Variants in AGMO observed in about 807,000 individuals in gnomAD.
AGMO encodes glyceryl-ether monooxygenase.
Under a neutral mutation model 60.2 loss-of-function variants are expected in AGMO, and 75 were observed. The ratio of observed to expected loss-of-function variants is 1.25; its 90% CI spans 1.03 to 1.51. AGMO has a LOEUF of 1.51. Among genes scored for constraint, AGMO ranks in the 40% most tolerant of loss-of-function variants. AGMO has a pLI of 0.00. For missense variants in AGMO, 763 were observed against 525.5 expected, an observed-to-expected ratio of 1.45 and a Z score of -4.42; for synonymous variants, 261 against 177.1, an observed-to-expected ratio of 1.47 and a Z score of -3.76.
intron 12 of AGMO, among the ~76,000 whole-genome samples, chr7:15,357,823 A>C (rs745377177): frequency 3.9e-5 from 6 of 152,188 alleles, no homozygotes; most frequent in East Asian, 1.9e-4. Context: ...AGCAGAGAAA[A>C]CACCACAGAA....
intron 3 of AGMO, among the ~76,000 whole-genome samples, chr7:15,536,508 A>C (rs1177866208): frequency 6.6e-6 from 1 of 151,906 alleles, no homozygotes; most frequent in Admixed American, 6.6e-5. Context: ...ATGAGAGGAC[A>C]GTTTATTTAT....
intron 12 of AGMO, among the ~76,000 whole-genome samples, chr7:15,256,723 C>T (rs1236053645): frequency 6.6e-6 from 1 of 152,118 alleles, no homozygotes; most frequent in Non-Finnish European, 1.5e-5. Flanking sequence ...GTGTTCTCTA[C>T]CTGTAGAGAC....
chr7:15,263,257 C>T (rs1260982736), intron 12 of AGMO, among the ~76,000 whole-genome samples: 1 of 151,524 alleles, frequency 6.6e-6, no homozygotes, highest in East Asian at 1.9e-4. Flanking sequence ...CATCAAAAAC[C>T]AGGCTAAGGA....
chr7:15,286,125 T>C (rs79108482), intron 12 of AGMO, among the ~76,000 whole-genome samples: 4 of 151,890 alleles, frequency 2.6e-5, no homozygotes, highest in Non-Finnish European at 4.4e-5. Flanking sequence ...AAACATTGTA[T>C]AAAATAGCCT....
Position 15,332,243 on chromosome 7 carries a change from T to C in AGMO, c.1263+33271A>G, listed in dbSNP as rs115906837. Among the ~76,000 whole-genome samples, 1,281 of 152,292 alleles carry C rather than the reference T, an allele frequency of 8.4e-3. 21 individuals are homozygous for C. Among genetic ancestry groups the C allele is most frequent in the African/African-American group, 0.029 (1,214 of 41,564 alleles). On this transcript the variant is annotated intron_variant, in intron 12 of 12. Transcript: ENST00000342526. ...GGTGTTGACTAATACATACCTGCAC[T>C]TGACACTGAAACCTTTCTCCCTATC...
intron 2 of AGMO, among the ~76,000 whole-genome samples, chr7:15,547,729 A>C (rs2115288684): frequency 6.6e-6 from 1 of 152,002 alleles, no homozygotes; most frequent in African/African-American, 2.4e-5. Context: ...GGCGGCAGCG[A>C]GGCTGGGGGA....
At chr7:15,370,473 T>G (rs1783164212) in intron 10 of AGMO, among the ~76,000 whole-genome samples, 1 of 152,214 alleles carries the variant, frequency 6.6e-6, no homozygotes, top group Non-Finnish European at 1.5e-5. Context: ...TCCAAACTGC[T>G]TTCCACAGTG....
chr7:15,481,894 T>C (rs781629688), intron 3 of AGMO, among the ~76,000 whole-genome samples: 4 of 142,252 alleles, frequency 2.8e-5, no homozygotes, highest in Non-Finnish European at 6.0e-5. Context: ...CAGGAATCAA[T>C]AAGAAAAATC....
Position 15,200,358 on chromosome 7 carries a change from T to C in AGMO, c.*927A>G, listed in dbSNP as rs1359538541. 6.6e-6 allele frequency: 1 copy of C among 152,234 alleles called. No individual in the cohort carries two copies. Among genetic ancestry groups the C allele is most frequent in the Non-Finnish European group, 1.5e-5 (1 of 68,040 alleles). The allele number at this position is 152,234 out of a possible 1,614,324, so 9.4% of individuals were successfully genotyped here. ...ATTTAGAGAATTAACATTGTTCTGA[T>C]AACTTTAAATAATGCAGAATTGCTG... On this transcript the variant is annotated 3_prime_UTR_variant, in exon 13 of 13. Coordinates refer to ENST00000342526, the MANE Select transcript of AGMO (RefSeq NM_001004320.2).
At chr7:15,477,250 T>G (rs1023573147) in intron 3 of AGMO, among the ~76,000 whole-genome samples, 10 of 152,100 alleles carry the variant, frequency 6.6e-5, no homozygotes, top group Middle Eastern at 3.4e-3. Context: ...AAACAATGTA[T>G]AGAAAGATAT....
chr7:15,421,235 G>A (rs949214948), intron 4 of AGMO, among the ~76,000 whole-genome samples: 4 of 152,074 alleles, frequency 2.6e-5, no homozygotes, highest in African/African-American at 4.8e-5. Flanking sequence ...TTATAACAAC[G>A]TGTGAGCCTG....
At chr7:15,534,514 A>G (rs1278629576) in intron 3 of AGMO, among the ~76,000 whole-genome samples, 1 of 151,998 alleles carries the variant, frequency 6.6e-6, no homozygotes, top group Non-Finnish European at 1.5e-5. Flanking sequence ...GATCATTAGT[A>G]TCATGTCTAA....
the AGMO span, among the ~76,000 whole-genome samples, chr7:15,139,707 G>A: frequency 6.6e-6 from 1 of 150,896 alleles, no homozygotes; most frequent in Non-Finnish European, 1.5e-5. Context: ...TGGGTCATTT[G>A]GTATATGCAT....
intron 5 of AGMO, among the ~76,000 whole-genome samples, chr7:15,398,160 T>C (rs1784461412): frequency 6.6e-6 from 1 of 152,162 alleles, no homozygotes; most frequent in Non-Finnish European, 1.5e-5. Context: ...ACTGACCAGC[T>C]TCTGCTCCCC....
At chr7:15,267,055 T>C (rs78804084) in intron 12 of AGMO, among the ~76,000 whole-genome samples, 3,377 of 152,098 alleles carry the variant, frequency 0.022, 124 homozygotes, top group African/African-American at 0.078. Flanking sequence ...TATTTGACCT[T>C]CTTATGAAAT....
downstream of AGMO, among the ~76,000 whole-genome samples, chr7:15,196,657 G>A (rs1021813615): frequency 6.6e-6 from 1 of 152,266 alleles, no homozygotes; most frequent in South Asian, 2.1e-4. Context: ...GTTCCCAACA[G>A]TCATTTCCGT....
At chr7:15,220,053 T>TG (rs959966924) in intron 12 of AGMO, among the ~76,000 whole-genome samples, 10 of 152,076 alleles carry the variant, frequency 6.6e-5, no homozygotes, top group Non-Finnish European at 1.2e-4. Context: ...AATGATACCT[T>TG]GCTCATGGAA....
At chr7:15,543,563 T>C (rs891262523) in intron 3 of AGMO, among the ~76,000 whole-genome samples, 1 of 152,126 alleles carries the variant, frequency 6.6e-6, no homozygotes. Flanking sequence ...TTGAACTTAC[T>C]ATAATAGAAC....
chr7:15,261,745 A>T (rs772889432), intron 12 of AGMO, among the ~76,000 whole-genome samples: 2 of 152,104 alleles, frequency 1.3e-5, no homozygotes, highest in African/African-American at 2.4e-5. Flanking sequence ...AGACGCAAAA[A>T]TTATCAACAA....
Sources: allele counts gnomAD v4.1 joint callset (sites outside exome capture counted in the v4.1 genomes callset), GRCh38; gene constraint gnomAD v4.1.1; transcripts MANE v1.5; gene names NCBI Gene and HGNC (gene_info 2026-07-23, HGNC 2026-07-21).